Variants in CFAP54 observed in about 807,000 individuals in gnomAD.
CFAP54 encodes cilia and flagella associated protein 54.
A neutral mutation model predicts 370.4 loss-of-function variants in CFAP54; 290 were observed. The ratio of observed to expected loss-of-function variants is 0.78; its 90% CI spans 0.71 to 0.86. The LOEUF (loss-of-function observed/expected upper bound fraction) is 0.86. CFAP54 is among the 40% of genes least tolerant of loss of function. The pLI, the probability that CFAP54 is intolerant of heterozygous loss-of-function variation, is 0.00. For missense variants in CFAP54, 3,399 were observed against 3,528.7 expected, an observed-to-expected ratio of 0.96 and a Z score of 0.93; for synonymous variants, 1,206 against 1,236.5, an observed-to-expected ratio of 0.98 and a Z score of 0.52.
In CFAP54 at chr12:96,679,705, T is replaced by C. The variant is rs560491602; in HGVS notation, c.5669T>C (p.Ile1890Thr). Residue 1890 changes from isoleucine (I) to threonine (T), a missense_variant, in exon 40 of 68, where the codon ATC becomes ACC. By Grantham distance (89) the Ile-to-Thr change is moderately conservative. Around this residue, in one of 3 missense-constraint regions of CFAP54, gnomAD observed 2,796 missense variants for 2,869.7 expected, o/e 0.97. Coordinates refer to ENST00000524981, the MANE Select transcript of CFAP54 (RefSeq NM_001306084.2). The part of the protein sequence containing the change: ...LEKSKYHNRS[I>T]RHSRKLLSLF... Reference sequence around the variant, plus strand: ...AAATCCAAATACCATAACAGATCAATCCGACACAGCAGAAAGTTGCTTTCA... The same window carrying C: ...AAATCCAAATACCATAACAGATCAACCCGACACAGCAGAAAGTTGCTTTCA... 11 of 1,613,610 alleles carry C rather than the reference T, an allele frequency of 6.8e-6. No homozygotes were observed. In the Admixed American group the frequency reaches 1.8e-4, roughly 27 times the overall value.
intron 62 of CFAP54, among the ~76,000 whole-genome samples, chr12:96,788,043 A>G (rs553587103): frequency 5.3e-5 from 8 of 152,000 alleles, no homozygotes; most frequent in Admixed American, 4.6e-4. Flanking sequence ...CAGCCTCCCG[A>G]AAAAGTGAGT....
chr12:96,729,725 G>A (rs929985360), intron 50 of CFAP54, among the ~76,000 whole-genome samples: 2 of 152,212 alleles, frequency 1.3e-5, no homozygotes, highest in South Asian at 4.1e-4. Flanking sequence ...GCACTCCCTA[G>A]TGAGATGAAC....
At chr12:96,735,443 T>G (rs1957969260) in intron 50 of CFAP54, among the ~76,000 whole-genome samples, 1 of 152,294 alleles carries the variant, frequency 6.6e-6, no homozygotes, top group Admixed American at 6.5e-5. Context: ...GTGCAGAGGC[T>G]TAAGGAACTA....
At chr12:96,731,887 AG>A (rs1957924068) in intron 50 of CFAP54, among the ~76,000 whole-genome samples, 2 of 152,174 alleles carry the variant, frequency 1.3e-5, no homozygotes, top group African/African-American at 4.8e-5. Flanking sequence ...TTAAAAAAAA[AG>A]ATCACTTGTC....
At chr12:96,514,850 T>G (rs1262653352) in intron 5 of CFAP54, among the ~76,000 whole-genome samples, 1 of 152,190 alleles carries the variant, frequency 6.6e-6, no homozygotes, top group Non-Finnish European at 1.5e-5. Flanking sequence ...GAGATAAATC[T>G]TCAGTTTTTC....
At chr12:96,664,743 A>G (rs372217783) in intron 39 of CFAP54, among the ~76,000 whole-genome samples, 1 of 78,472 alleles carries the variant, frequency 1.3e-5, no homozygotes, top group African/African-American at 5.3e-5. Flanking sequence ...ATATATCTAT[A>G]TATATATATA....
At chr12:96,681,666 A>G (rs1251495793) in intron 40 of CFAP54, among the ~76,000 whole-genome samples, 1 of 151,782 alleles carries the variant, frequency 6.6e-6, no homozygotes, top group East Asian at 1.9e-4. Flanking sequence ...TCTGGGTTCA[A>G]GCGATTCTCC....
intron 26 of CFAP54, among the ~76,000 whole-genome samples, chr12:96,607,637 A>T (rs541755634): frequency 6.6e-6 from 1 of 152,296 alleles, no homozygotes. Flanking sequence ...ATGCAGAAGG[A>T]ATAGGCTTCC....
At chr12:96,651,391 A>G (rs1232709696) in intron 35 of CFAP54, among the ~76,000 whole-genome samples, 197 bp from the exon 36 acceptor site, 1 of 152,186 alleles carries the variant, frequency 6.6e-6, no homozygotes, top group East Asian at 1.9e-4. Flanking sequence ...TACCTAGTGC[A>G]CACTTACTTC....
intron 50 of CFAP54, among the ~76,000 whole-genome samples, chr12:96,733,199 G>A (rs1267708820): frequency 1.3e-5 from 2 of 152,150 alleles, no homozygotes; most frequent in African/African-American, 4.8e-5. Context: ...CCTTTTTGGA[G>A]CAGAGTTGTC....
intron 19 of CFAP54, among the ~76,000 whole-genome samples, chr12:96,566,374 G>A (rs1178397913): frequency 1.3e-5 from 2 of 152,126 alleles, no homozygotes; most frequent in Non-Finnish European, 2.9e-5. Flanking sequence ...AGCTGAAGTT[G>A]GAGACCAAGA....
chr12:96,757,637 G>A (rs1406372496), intron 58 of CFAP54, 49 bp downstream of exon 58: 1 of 1,131,766 alleles, frequency 8.8e-7, no homozygotes, highest in East Asian at 2.5e-5. Context: ...CTTTGAGCTT[G>A]CTATTTTGGT....
intron 47 of CFAP54, among the ~76,000 whole-genome samples, chr12:96,706,840 C>A (rs1957552679): frequency 6.6e-6 from 1 of 151,790 alleles, no homozygotes; most frequent in South Asian, 2.1e-4. Context: ...GCTGGAGATA[C>A]TGAGTTTAGA....
At chr12:96,801,950 A>C (rs1958823873) in intron 63 of CFAP54, among the ~76,000 whole-genome samples, 1 of 152,062 alleles carries the variant, frequency 6.6e-6, no homozygotes, top group Non-Finnish European at 1.5e-5. Flanking sequence ...ACTGCCCTCC[A>C]ATGGGCTGCT....
intron 28 of CFAP54, among the ~76,000 whole-genome samples, chr12:96,625,492 G>A (rs1956540894): frequency 6.6e-6 from 1 of 152,124 alleles, no homozygotes. Flanking sequence ...TTTGGTGGTG[G>A]ACCCCTTAGC....
chr12:96,739,942 A>AT lies in CFAP54; in HGVS notation c.6966-10dup, dbSNP rs1415933143. ...ATAATACTGATAACATTTAAAATAT[A>AT]TTTTCTATTTTAGTGCTGCAATAGT... On this transcript the variant is annotated splice_polypyrimidine_tract_variant and intron_variant, in intron 50 of 67. Transcript: ENST00000524981. The AT allele has an allele frequency of 1.5e-6, 2 of 1,368,218 alleles. No homozygotes were observed. The highest frequency in any genetic ancestry group is 2.0e-6 in the Non-Finnish European group (2 of 978,668). 84.8% of individuals were successfully genotyped at this position (1,368,218 alleles called of 1,614,324 possible). A position where few individuals can be genotyped will look rare whatever the true frequency, so the allele number is the denominator to read the frequency against.
At chr12:96,725,192 A>G (rs76519847) in intron 50 of CFAP54, among the ~76,000 whole-genome samples, 35,551 of 149,950 alleles carry the variant, frequency 0.24, 4,350 homozygotes, top group South Asian at 0.28. Context: ...CTTTAAAGTA[A>G]TTTTTTCCAA....
chr12:96,523,607 G>A (rs895584895), intron 8 of CFAP54, among the ~76,000 whole-genome samples: 16 of 152,104 alleles, frequency 1.1e-4, no homozygotes, highest in African/African-American at 3.4e-4. Flanking sequence ...TTAATTTATA[G>A]GCAATTCCTT....
chr12:96,514,804 G>A lies in CFAP54; in HGVS notation c.798+1760G>A, dbSNP rs927786049. ...TAAAATAAGGATAGTTGAGTATTTT[G>A]CCATGCTGATTAAATAGGTATTCTA... On this transcript the variant is annotated intron_variant, in intron 5 of 67. Coordinates refer to ENST00000524981, the MANE Select transcript of CFAP54 (RefSeq NM_001306084.2). Among the ~76,000 whole-genome samples, 3 of 152,022 alleles carry A rather than the reference G, an allele frequency of 2.0e-5. 1 individual carries two copies. Among genetic ancestry groups the A allele is most frequent in the Admixed American group, 2.0e-4 (3 of 15,252 alleles).
Sources: gnomAD v4.1 joint callset for allele counts (sites outside exome capture counted in the v4.1 genomes callset) on GRCh38, gnomAD v4.1.1 for gene constraint, gnomAD v4.1.1 regional missense constraint, MANE v1.5 for transcripts, NCBI Gene and HGNC (gene_info 2026-07-23, HGNC 2026-07-21) for gene names.